Variants in SKP1 observed in about 807,000 individuals in gnomAD.
SKP1 encodes S-phase kinase-associated protein 1.
Under a neutral mutation model 21.5 loss-of-function variants are expected in SKP1, and 1 was observed. That is an observed-to-expected ratio of 0.05 (90% CI 0.02 to 0.22). SKP1 has a LOEUF of 0.22. Ranked by LOEUF, SKP1 falls within the 10% of genes least tolerant of loss-of-function variation. The pLI is 1.00. For synonymous variants in SKP1, 59 were observed against 59.3 expected, an observed-to-expected ratio of 0.99 and a Z score of 0.03; for missense variants, 70 against 192.0, an observed-to-expected ratio of 0.36 and a Z score of 3.76.
intron 2 of SKP1, among the ~76,000 whole-genome samples, chr5:134,173,001 AGACTCCGTCTC>A: frequency 6.9e-6 from 1 of 144,452 alleles, no homozygotes; most frequent in African/African-American, 2.6e-5. Flanking sequence ...CAACAGAGCA[AGACTCCGTCTC>A]AAAAAAAAAA....
At position 134,150,324 on chromosome 5, in the gene SKP1, AC is replaced by A. The variant is rs1374087525; in HGVS notation, c.*7408del. ...CTAACAGCTAGCTCAGAAGCACTGC[AC>A]CCTAGCTTTGTTCAGTATACATAAG... On this transcript the variant is annotated 3_prime_UTR_variant, in exon 6 of 6. Transcript: ENST00000353411. The A allele has an allele frequency of 1.3e-5, 2 of 152,060 alleles. No homozygotes were observed. The highest frequency in any genetic ancestry group is 2.9e-5 in the Non-Finnish European group (2 of 68,010). The allele number at this position is 152,060 out of a possible 1,614,324, so 9.4% of individuals were successfully genotyped here.
chr5:134,172,309 G>A (rs571608950), intron 2 of SKP1, among the ~76,000 whole-genome samples: 1 of 151,860 alleles, frequency 6.6e-6, no homozygotes, highest in East Asian at 2.0e-4. Context: ...CCTTCTCTTC[G>A]TTCAAGTATT....
rs150888897 is a variant in SKP1 at position 134,167,324 on chromosome 5, GAGTC to G, written c.98-85_98-82del. The G allele has an allele frequency of 4.5e-3, 3,972 of 887,568 alleles. 104 individuals carry two copies. The African/African-American group carries it at 0.058, about 13-fold the overall frequency. 55.0% of individuals were successfully genotyped at this position (887,568 alleles called of 1,614,324 possible). ...AACCAGGCTATGTCTCAAAACATAA[GAGTC>G]AGCCCCCATATCCATGAGTTCTACA... is the stretch of plus-strand genomic sequence containing the variant. On this transcript the variant is annotated intron_variant, in intron 2 of 5. Transcript: ENST00000353411.
At chr5:134,158,344 T>A (rs1761156546) in intron 5 of SKP1, 111 bp downstream of exon 5, 3 of 1,593,142 alleles carry the variant, frequency 1.9e-6, no homozygotes, top group Admixed American at 3.4e-5. Flanking sequence ...GTACATATTA[T>A]CCCTAAAGTA....
Position 134,155,598 on chromosome 5 carries a change from C to G in SKP1, c.*2135G>C, listed in dbSNP as rs1248143267. On this transcript the variant is annotated 3_prime_UTR_variant, in exon 6 of 6. Transcript: ENST00000353411. ...TGTCCATCCAATCTTTCTGAAAGAT[C>G]TCATTATCCTTTAAATACGGATAGT... is the stretch of plus-strand genomic sequence containing the variant. 2 of 152,182 alleles carry G rather than the reference C, an allele frequency of 1.3e-5. No homozygotes were observed. The highest frequency in any genetic ancestry group is 1.3e-4 in the Admixed American group (2 of 15,282). The allele number at this position is 152,182 out of a possible 1,614,324, so 9.4% of individuals were successfully genotyped here.
At position 134,170,510 on chromosome 5, in the gene SKP1, T is replaced by C. The variant is rs368453246; in HGVS notation, c.98-3267A>G. ...CCAAGAGTCTCACTTCTGATTGTCC[T>C]GTGGATTAAAAGGTTTTATTTTTGT... On this transcript the variant is annotated intron_variant, in intron 2 of 5. Transcript: ENST00000353411. Among the ~76,000 whole-genome samples the C allele has an allele frequency of 5.3e-5, 8 of 152,368 alleles. No individual in the cohort carries two copies. In the East Asian group the frequency reaches 1.3e-3, roughly 26 times the overall value.
chr5:134,176,709 G>A (rs1761555945), intron 1 of SKP1, 146 bp downstream of exon 1: 1 of 152,252 alleles, frequency 6.6e-6, no homozygotes, highest in African/African-American at 2.4e-5. Flanking sequence ...CCGAAGAACA[G>A]GGTCGACAAC....
At chr5:134,163,470 T>C (rs1363870812) in intron 3 of SKP1, among the ~76,000 whole-genome samples, 1 of 150,852 alleles carries the variant, frequency 6.6e-6, no homozygotes, top group Non-Finnish European at 1.5e-5. Context: ...ATGATATATA[T>C]TCAATACAAA....
chr5:134,157,214 C>T lies in SKP1; in HGVS notation c.*519G>A, dbSNP rs1218066030. The T allele has an allele frequency of 6.5e-6, 1 of 153,460 alleles. No homozygotes were observed. Among genetic ancestry groups the T allele is most frequent in the Non-Finnish European group, 1.5e-5 (1 of 68,692 alleles). The allele number at this position is 153,460 out of a possible 1,614,324, so 9.5% of individuals were successfully genotyped here. A position where few individuals can be genotyped will look rare whatever the true frequency, so the allele number is the denominator to read the frequency against. On this transcript the variant is annotated 3_prime_UTR_variant, in exon 6 of 6. Coordinates refer to ENST00000353411, the MANE Select transcript of SKP1 (RefSeq NM_170679.3). ...GCAATGAAGGGAGCCCTGCTACATA[C>T]AGGCTAATCAATACAGTGGTACTCC...
intron 3 of SKP1, 79 bp from the exon 4 acceptor site, chr5:134,161,209 T>C: frequency 1.6e-6 from 2 of 1,263,546 alleles, no homozygotes; most frequent in Non-Finnish European, 2.2e-6. Flanking sequence ...CTTATCCCTA[T>C]ATTGGAATAA....
chr5:134,160,545 C>T (rs1207518250), intron 4 of SKP1, among the ~76,000 whole-genome samples: 1 of 152,086 alleles, frequency 6.6e-6, no homozygotes. Context: ...GGAAGTTCTG[C>T]TTCTAGCCAG....
At chr5:134,157,984 G>A in intron 5 of SKP1, 8 of 1,510,720 alleles carry the variant, frequency 5.3e-6, no homozygotes, top group East Asian at 2.6e-5. Flanking sequence ...CAAAGCAAAG[G>A]CAATGGGCAA....
intron 3 of SKP1, among the ~76,000 whole-genome samples, chr5:134,166,364 T>C (rs1761331077): frequency 6.6e-6 from 1 of 151,278 alleles, no homozygotes; most frequent in African/African-American, 2.4e-5. Flanking sequence ...GGGCAGATCA[T>C]GAGGTCAAGA....
chr5:134,161,632 A>G (rs1761222503), intron 3 of SKP1: 1 of 152,518 alleles, frequency 6.6e-6, no homozygotes, highest in Admixed American at 6.5e-5. Context: ...AATAGTGGAA[A>G]GGAAACACAA....
At chr5:134,162,764 T>G (rs1046652042) in intron 3 of SKP1, among the ~76,000 whole-genome samples, 3 of 151,576 alleles carry the variant, frequency 2.0e-5, no homozygotes, top group African/African-American at 7.3e-5. Flanking sequence ...ACGTCAATAT[T>G]TGCTTATCCA....
intron 2 of SKP1, among the ~76,000 whole-genome samples, chr5:134,172,996 G>C (rs889606214): frequency 2.0e-4 from 28 of 138,238 alleles, no homozygotes; most frequent in African/African-American, 7.7e-4. Flanking sequence ...CTGGGCAACA[G>C]AGCAAGACTC....
chr5:134,162,811 C>T lies in SKP1; in HGVS notation c.172-1681G>A, dbSNP rs535655650. ...AACTCTAAACCTGGGCACAGTGGTT[C>T]ATACTTGTAATCTCAGCACTTTGGG... is the stretch of plus-strand genomic sequence containing the variant. On this transcript the variant is annotated intron_variant, in intron 3 of 5. Coordinates refer to ENST00000353411, the MANE Select transcript of SKP1 (RefSeq NM_170679.3). Among the ~76,000 whole-genome samples the T allele has an allele frequency of 2.6e-5, 4 of 152,216 alleles. No individual in the cohort carries two copies. The East Asian group carries it at 7.7e-4, about 29-fold the overall frequency.
chr5:134,166,162 G>A (rs1761326680), intron 3 of SKP1, among the ~76,000 whole-genome samples: 1 of 150,458 alleles, frequency 6.6e-6, no homozygotes, highest in Non-Finnish European at 1.5e-5. Flanking sequence ...TCCAGCCTGG[G>A]CAACAGGGCG....
chr5:134,175,871 G>A (rs1028891515), intron 1 of SKP1, among the ~76,000 whole-genome samples: 2 of 152,096 alleles, frequency 1.3e-5, no homozygotes, highest in Non-Finnish European at 1.5e-5. Context: ...AGGCCTAAAG[G>A]CTCCTGCACT....
Sources: gnomAD v4.1 joint callset for allele counts (sites outside exome capture counted in the v4.1 genomes callset) on GRCh38, gnomAD v4.1.1 for gene constraint, MANE v1.5 for transcripts, NCBI Gene and HGNC (gene_info 2026-07-23, HGNC 2026-07-21) for gene names.